Variants in EYS observed in about 807,000 individuals in gnomAD.
The protein encoded by EYS is protein eyes shut homolog.
A neutral mutation model predicts 282.1 loss-of-function variants in EYS; 250 were observed. The observed-to-expected ratio is 0.89, with a 90% CI of 0.80 to 0.98. The LOEUF (loss-of-function observed/expected upper bound fraction) is 0.98. EYS is among the 50% of genes least tolerant of loss of function. EYS has a pLI of 0.00. For missense variants in EYS, 4,016 were observed against 3,709.0 expected, an observed-to-expected ratio of 1.08 and a Z score of -2.15; for synonymous variants, 1,355 against 1,282.9, an observed-to-expected ratio of 1.06 and a Z score of -1.20.
At chr6:64,691,220 T>C (rs1462546145) in intron 22 of EYS, among the ~76,000 whole-genome samples, 1 of 152,260 alleles carries the variant, frequency 6.6e-6, no homozygotes, top group Non-Finnish European at 1.5e-5. Context: ...ATATTAACTA[T>C]GCAGTCTTTA....
At chr6:64,928,711 CA>C (rs1201672485) in intron 15 of EYS, among the ~76,000 whole-genome samples, 4 of 151,518 alleles carry the variant, frequency 2.6e-5, no homozygotes, top group African/African-American at 4.8e-5. Flanking sequence ...TTTAAAAGTC[CA>C]TTTTTTTTTA....
chr6:63,934,917 A>G (rs1213180314), intron 35 of EYS, among the ~76,000 whole-genome samples: 1 of 152,162 alleles, frequency 6.6e-6, no homozygotes, highest in African/African-American at 2.4e-5. Flanking sequence ...TAAAAATAAC[A>G]AAATAAAAAT....
intron 11 of EYS, among the ~76,000 whole-genome samples, chr6:65,319,219 A>AAC (rs910713353): frequency 2.0e-5 from 3 of 147,280 alleles, no homozygotes; most frequent in African/African-American, 7.4e-5. Flanking sequence ...AAAAAAAAAA[A>AAC]AAAAAAAACA....
chr6:65,395,247 GA>G (rs1177218534), intron 7 of EYS, among the ~76,000 whole-genome samples: 10 of 152,242 alleles, frequency 6.6e-5, no homozygotes, highest in African/African-American at 2.4e-4. Context: ...ATTTTTAGTA[GA>G]GATGGGGTTT....
chr6:64,340,031 C>T (rs367727722), intron 29 of EYS, among the ~76,000 whole-genome samples: 1 of 73,472 alleles, frequency 1.4e-5, no homozygotes, highest in African/African-American at 5.6e-5. Flanking sequence ...ATCACTTGTA[C>T]CCCAATAATC....
At chr6:65,177,027 T>A (rs1430727421) in intron 12 of EYS, among the ~76,000 whole-genome samples, 2 of 151,800 alleles carry the variant, frequency 1.3e-5, no homozygotes, top group Non-Finnish European at 2.9e-5. Flanking sequence ...TTCCAAATCA[T>A]TACTTATTTT....
intron 22 of EYS, among the ~76,000 whole-genome samples, chr6:64,650,293 A>C (rs1768512229): frequency 6.6e-6 from 1 of 151,940 alleles, no homozygotes; most frequent in Non-Finnish European, 1.5e-5. Context: ...TAAAATAAGA[A>C]TTAAAATTAT....
At chr6:64,029,545 C>T (rs935786135) in intron 33 of EYS, among the ~76,000 whole-genome samples, 1 of 152,204 alleles carries the variant, frequency 6.6e-6, no homozygotes, top group African/African-American at 2.4e-5. Context: ...AACCCTGACA[C>T]TTTTCTCCCA....
Position 64,425,738 on chromosome 6 carries a change from C to T in EYS, c.5927+10436G>A, listed in dbSNP as rs895364521. On this transcript the variant is annotated intron_variant, in intron 28 of 42. Coordinates refer to ENST00000503581, the MANE Select transcript of EYS (RefSeq NM_001142800.2). ...AGAGAAAAAATAAGTAGATGTAAGACGAAATGTTGAAAAGGACTTTCTGAA... is the reference window on the plus strand; with the variant it reads ...AGAGAAAAAATAAGTAGATGTAAGATGAAATGTTGAAAAGGACTTTCTGAA... 6.1e-5 allele frequency among the ~76,000 whole-genome samples: 9 copies of T among 147,108 alleles called. 1 individual carries two copies. In the South Asian group the frequency reaches 1.1e-3, roughly 18 times the overall value.
intron 7 of EYS, among the ~76,000 whole-genome samples, chr6:65,401,201 AT>A (rs1012690564): frequency 6.8e-6 from 1 of 148,086 alleles, no homozygotes; most frequent in Non-Finnish European, 1.5e-5. Flanking sequence ...AGTCGTTTTT[AT>A]TTTTATTATT....
At chr6:64,360,847 AT>A (rs1211040844) in intron 29 of EYS, among the ~76,000 whole-genome samples, 1 of 151,744 alleles carries the variant, frequency 6.6e-6, no homozygotes, top group Non-Finnish European at 1.5e-5. Flanking sequence ...AGAAAGACAG[AT>A]TTTAAGGGAC....
At chr6:64,206,217 C>T (rs962997258) in intron 31 of EYS, among the ~76,000 whole-genome samples, 1 of 151,082 alleles carries the variant, frequency 6.6e-6, no homozygotes, top group African/African-American at 2.4e-5. Flanking sequence ...AATTAGAACA[C>T]TATACTAGTT....
chr6:64,880,403 T>C (rs1339384955), intron 19 of EYS, among the ~76,000 whole-genome samples: 2 of 151,882 alleles, frequency 1.3e-5, no homozygotes, highest in Non-Finnish European at 2.9e-5. Context: ...ACTCTCTTCT[T>C]CTAATTATTC....
chr6:64,900,354 T>C (rs1186374456), intron 18 of EYS, among the ~76,000 whole-genome samples: 1 of 152,026 alleles, frequency 6.6e-6, no homozygotes, highest in Non-Finnish European at 1.5e-5. Context: ...CCAAAAGCAA[T>C]GGCAACAAAA....
Position 65,087,880 on chromosome 6 carries a change from A to G in EYS, c.2024-30153T>C, listed in dbSNP as rs76006582. Reference sequence around the variant, plus strand: ...TTGAATTGTCATCCCCATAATCCACATGTGTTAAGGGTTGGACCAGGTGGA... The same window carrying G: ...TTGAATTGTCATCCCCATAATCCACGTGTGTTAAGGGTTGGACCAGGTGGA... On this transcript the variant is annotated intron_variant, in intron 12 of 42. Transcript: ENST00000503581. 7.2e-3 allele frequency among the ~76,000 whole-genome samples: 1,093 copies of G among 152,224 alleles called. 17 individuals carry two copies. The highest frequency in any genetic ancestry group is 0.025 in the African/African-American group (1,034 of 41,548).
chr6:64,085,325 T>C (rs867691192), intron 31 of EYS, among the ~76,000 whole-genome samples: 130 of 81,934 alleles, frequency 1.6e-3, no homozygotes, highest in African/African-American at 9.6e-3. Context: ...CGCGCGCGCG[T>C]GCGCACGTGC....
At chr6:63,792,485 T>A (rs1471113260) in intron 37 of EYS, among the ~76,000 whole-genome samples, 3 of 152,080 alleles carry the variant, frequency 2.0e-5, no homozygotes, top group Non-Finnish European at 4.4e-5. Context: ...AAATACCTAA[T>A]GTAAATGACG....
chr6:64,605,949 A>G (rs1361224106), intron 24 of EYS, among the ~76,000 whole-genome samples: 1 of 151,998 alleles, frequency 6.6e-6, no homozygotes, highest in African/African-American at 2.4e-5. Context: ...GCTCATAAGA[A>G]AAGACATTTA....
At chr6:63,938,522 A>G (rs1276911588) in intron 35 of EYS, among the ~76,000 whole-genome samples, 3 of 152,340 alleles carry the variant, frequency 2.0e-5, no homozygotes, top group Non-Finnish European at 4.4e-5. Flanking sequence ...CTATTTTCTT[A>G]AATACATTTT....
Sources: gnomAD v4.1 joint callset for allele counts (sites outside exome capture counted in the v4.1 genomes callset) on GRCh38, gnomAD v4.1.1 for gene constraint, MANE v1.5 for transcripts, NCBI Gene and HGNC (gene_info 2026-07-23, HGNC 2026-07-21) for gene names.